OSBPL10: variants seen among roughly 807,000 people sequenced by gnomAD.
OSBPL10 encodes the protein oxysterol binding protein like 10.
In OSBPL10, 49 loss-of-function variants were observed where a neutral mutation model predicts 81.7. The ratio of observed to expected loss-of-function variants is 0.60; its 90% CI spans 0.48 to 0.76. The LOEUF (loss-of-function observed/expected upper bound fraction) is 0.76, where lower values mean the gene tolerates loss of function less well. Ranked by LOEUF, OSBPL10 falls within the 30% of genes least tolerant of loss-of-function variation. The probability of loss-of-function intolerance (pLI) is 0.00; values close to 1 mark genes in which losing one functional copy is unlikely to be tolerated. For missense variants in OSBPL10, 923 were observed against 987.8 expected (o/e 0.93, Z 0.88); for synonymous variants, 419 against 383.6 (o/e 1.09, Z -1.08).
Position 31,981,019 on chromosome 3 carries a change from C to T in OSBPL10, c.161G>A (p.Ser54Asn), listed in dbSNP as rs774467326. 1 of 1,472,340 alleles carries T rather than the reference C, an allele frequency of 6.8e-7. No homozygotes were observed. The highest frequency in any genetic ancestry group is 1.3e-5 in the South Asian group (1 of 74,804). 91.2% of individuals were successfully genotyped at this position (1,472,340 alleles called of 1,614,324 possible). A position where few individuals can be genotyped will look rare whatever the true frequency, so the allele number is the denominator to read the frequency against. ...GGCCACAGAGCCCGGGCTGCTGCGG[C>T]TTCCCCCGCCGCCGAGCCCGGCCGC... ...SAAAGLGGGG[S>N]RSSPGSVAAS... Residue 54 changes from serine (S) to asparagine (N), a missense_variant, in exon 1 of 12, where the codon AGC becomes AAC. Ser to Asn is a conservative substitution (Grantham distance 46). Around this residue, in one of 3 missense-constraint regions of OSBPL10, gnomAD observed 514 missense variants for 508.0 expected, o/e 1.01. Transcript: ENST00000396556. The surrounding 1 kb of genome is among the most constrained non-coding windows in gnomAD (Gnocchi z 4.5).
chr3:31,852,521 C>T (rs756647349), intron 3 of OSBPL10, among the ~76,000 whole-genome samples: 1 of 152,160 alleles, frequency 6.6e-6, no homozygotes, highest in Non-Finnish European at 1.5e-5. Flanking sequence ...GAGAAAAACA[C>T]ATTTTTGTGA....
At chr3:31,958,029 G>A (rs370476249) in intron 1 of OSBPL10, among the ~76,000 whole-genome samples, 7 of 152,158 alleles carry the variant, frequency 4.6e-5, no homozygotes, top group African/African-American at 1.7e-4. Context: ...TATTGTGTGT[G>A]CACCAGCTAA....
chr3:31,767,227 T>G (rs950552174), intron 4 of OSBPL10, among the ~76,000 whole-genome samples: 1 of 152,246 alleles, frequency 6.6e-6, no homozygotes, highest in African/African-American at 2.4e-5. Context: ...GCTCATGCAG[T>G]TGTGATTAAA....
At chr3:31,834,007 C>A (rs992799894) in intron 3 of OSBPL10, among the ~76,000 whole-genome samples, 1 of 152,198 alleles carries the variant, frequency 6.6e-6, no homozygotes, top group African/African-American at 2.4e-5. Context: ...GTGTAATTCA[C>A]ATCCATGCCT....
intron 2 of OSBPL10, among the ~76,000 whole-genome samples, chr3:32,000,036 A>G (rs1699130168): frequency 6.6e-6 from 1 of 152,182 alleles, no homozygotes; most frequent in South Asian, 2.1e-4. Flanking sequence ...AAAGATAACC[A>G]AAAAGTCTGA....
chr3:31,939,143 C>CTTTTTTTTTTT (rs1559525545), intron 1 of OSBPL10, among the ~76,000 whole-genome samples: 2 of 49,700 alleles, frequency 4.0e-5, no homozygotes, highest in Non-Finnish European at 9.2e-5. Context: ...ACTCTCTCAT[C>CTTTTTTTTTTT]CTTTTTTTTT....
In OSBPL10 at chr3:31,862,177, AT is replaced by A. The variant is rs200409504; in HGVS notation, c.537+14255del. ...ACATACACTATGTACCCACAAAAAA[AT>A]TTTTTTTTAATTTTTTTAAAGAAAA... On this transcript the variant is annotated intron_variant, in intron 3 of 11. Coordinates refer to ENST00000396556, the MANE Select transcript of OSBPL10 (RefSeq NM_017784.5). Among the ~76,000 whole-genome samples, 1,255 of 143,240 alleles carry A rather than the reference AT, an allele frequency of 8.8e-3. 26 individuals carry two copies. Among genetic ancestry groups the A allele is most frequent in the African/African-American group, 0.036 (1,210 of 34,036 alleles). The allele number at this position is 143,240 out of a possible 152,430, so 94.0% of individuals were successfully genotyped here.
At chr3:32,064,388 T>C (rs1258155048) in intron 1 of OSBPL10, 2 of 93,986 alleles carry the variant, frequency 2.1e-5, no homozygotes, top group African/African-American at 5.5e-5. Context: ...CAAACTAATA[T>C]GAAGCCCTGA....
At chr3:31,792,860 CTGTGTGTGTGTGTGTGTGTGTGTGTG>C (rs6147757) in intron 4 of OSBPL10, among the ~76,000 whole-genome samples, 110 of 126,742 alleles carry the variant, frequency 8.7e-4, no homozygotes, top group Non-Finnish European at 1.3e-3. Flanking sequence ...TCTAGGCACT[CTGTGTGTGTGTGTGTGTGTGTGTGTG>C]TGTGTGTGTG....
In OSBPL10 at chr3:31,666,500, C is replaced by T. The variant is rs926660789; in HGVS notation, c.2096+2142G>A. ...CTCTGCAGGGAAGGCCTAGCACACC[C>T]GGCTGGGAGAGTGAACACAGGTGCT... On this transcript the variant is annotated intron_variant, in intron 10 of 11. Transcript: ENST00000396556. Among the ~76,000 whole-genome samples the T allele has an allele frequency of 2.6e-5, 4 of 152,200 alleles. No individual in the cohort carries two copies. The East Asian group carries it at 5.8e-4, about 22-fold the overall frequency.
intron 1 of OSBPL10, among the ~76,000 whole-genome samples, chr3:31,904,588 C>T (rs1382339860): frequency 1.3e-5 from 2 of 152,162 alleles, no homozygotes; most frequent in Non-Finnish European, 2.9e-5. Flanking sequence ...CATGATCCAG[C>T]GTGACCACAA....
intron 4 of OSBPL10, among the ~76,000 whole-genome samples, chr3:31,787,210 T>A (rs541769013): frequency 2.0e-4 from 31 of 152,214 alleles, no homozygotes; most frequent in Non-Finnish European, 4.0e-4. Context: ...CCAATATTCA[T>A]TCTTTTAAAG....
At chr3:31,986,928 G>T (rs138403416) in intron 2 of OSBPL10, among the ~76,000 whole-genome samples, 2 of 152,018 alleles carry the variant, frequency 1.3e-5, no homozygotes, top group East Asian at 3.9e-4. Flanking sequence ...GATTGCTTGC[G>T]CCCAGAAATT....
intron 1 of OSBPL10, among the ~76,000 whole-genome samples, chr3:31,907,340 G>C (rs1696437755): frequency 6.6e-6 from 1 of 151,862 alleles, no homozygotes; most frequent in African/African-American, 2.4e-5. Flanking sequence ...AAATTTAAGT[G>C]ACCTCTAGCT....
At chr3:31,768,945 C>T (rs1256591136) in intron 4 of OSBPL10, among the ~76,000 whole-genome samples, 1 of 152,210 alleles carries the variant, frequency 6.6e-6, no homozygotes, top group South Asian at 2.1e-4. Flanking sequence ...TTGCCCATTC[C>T]ATTGCTGCCC....
chr3:31,966,948 A>T (rs1698419825), intron 1 of OSBPL10, among the ~76,000 whole-genome samples: 1 of 152,158 alleles, frequency 6.6e-6, no homozygotes. Context: ...AGCGCTGACA[A>T]GGATGTGGAA....
chr3:31,695,431 C>T (rs1695687011), intron 7 of OSBPL10, among the ~76,000 whole-genome samples: 2 of 152,114 alleles, frequency 1.3e-5, no homozygotes, highest in Admixed American at 6.5e-5. Flanking sequence ...ACCTTTGACC[C>T]ATTGACCTTT....
intron 1 of OSBPL10, among the ~76,000 whole-genome samples, chr3:31,943,659 C>T (rs1697600374): frequency 6.6e-6 from 1 of 152,140 alleles, no homozygotes; most frequent in African/African-American, 2.4e-5. Context: ...AGAGCATTAA[C>T]TCCACTGTCA....
rs541935919 is a variant in OSBPL10 at position 31,995,365 on chromosome 3, T to A, written n.298+51126A>T. On this transcript the variant is annotated intron_variant and non_coding_transcript_variant, in intron 2 of 3. Transcript: ENST00000479173. ...CAGGAATGCAATTCTTTCCCTAGGG[T>A]CTTAATATTCCTTGCTAGGAAAAGA... Among the ~76,000 whole-genome samples, 4 of 152,152 alleles carry A rather than the reference T, an allele frequency of 2.6e-5. No individual in the cohort carries two copies. In the East Asian group the frequency reaches 5.8e-4, roughly 22 times the overall value.
Sources: allele counts gnomAD v4.1 joint callset (sites outside exome capture counted in the v4.1 genomes callset), GRCh38; gene constraint gnomAD v4.1.1; regional missense constraint gnomAD v4.1.1; non-coding constraint Gnocchi (gnomAD v3.1); transcripts MANE v1.5; gene names NCBI Gene and HGNC (gene_info 2026-07-23, HGNC 2026-07-21).